Variants in MAP4 observed in about 807,000 individuals in gnomAD.
The protein encoded by MAP4 is microtubule-associated protein 4.
MAP4 carries 76 observed loss-of-function variants against 170.2 expected under a neutral mutation model. The ratio of observed to expected loss-of-function variants is 0.45; its 90% confidence interval spans 0.37 to 0.54. The LOEUF (loss-of-function observed/expected upper bound fraction) is 0.54. Ranked by LOEUF, MAP4 falls within the 20% of genes least tolerant of loss-of-function variation. MAP4 has a pLI of 0.00. For synonymous variants in MAP4, 909 were observed against 994.5 expected (o/e 0.91, Z 1.62); for missense variants, 2,506 against 2,748.0 (o/e 0.91, Z 1.97).
intron 3 of MAP4, among the ~76,000 whole-genome samples, chr3:47,977,652 T>G (rs949748471): frequency 6.6e-6 from 1 of 152,228 alleles, no homozygotes; most frequent in Non-Finnish European, 1.5e-5. Flanking sequence ...CCAATAAATA[T>G]TCAAAAAATA....
intron 1 of MAP4, among the ~76,000 whole-genome samples, chr3:48,012,999 T>C (rs1255918834): frequency 6.6e-6 from 1 of 152,060 alleles, no homozygotes; most frequent in Admixed American, 6.5e-5. Flanking sequence ...ATCCCCAGTT[T>C]TCAATAAATT....
At chr3:48,082,077 A>C (rs1038254420) in intron 1 of MAP4, among the ~76,000 whole-genome samples, 3 of 152,242 alleles carry the variant, frequency 2.0e-5, no homozygotes, top group Non-Finnish European at 2.9e-5. Context: ...CAAAGAAAAA[A>C]ATATTCATGG....
intron 1 of MAP4, among the ~76,000 whole-genome samples, chr3:48,006,517 A>G (rs879825523): frequency 2.0e-5 from 3 of 152,196 alleles, no homozygotes; most frequent in Admixed American, 6.5e-5. Flanking sequence ...GCCAGAATGC[A>G]TAATTGGCAT....
chr3:48,015,240 C>G (rs1375327974), intron 1 of MAP4, among the ~76,000 whole-genome samples: 3 of 110,726 alleles, frequency 2.7e-5, no homozygotes, highest in African/African-American at 1.1e-4. Flanking sequence ...ATAATGCTCA[C>G]TTATATTTTC....
chr3:47,877,570 A>T (rs780484245), intron 10 of MAP4, 47 bp from the exon 11 acceptor site: 50 of 1,308,158 alleles, frequency 3.8e-5, no homozygotes, highest in Non-Finnish European at 5.3e-5. Context: ...AACATTTTAC[A>T]TGCCCATTTT....
At chr3:47,998,901 T>A (rs2100097728) in intron 1 of MAP4, 22 bp from the exon 2 acceptor site, 2 of 1,387,168 alleles carry the variant, frequency 1.4e-6, no homozygotes, top group Middle Eastern at 1.8e-4. Flanking sequence ...GAAAAAGATC[T>A]TTCATGTAAC....
chr3:48,054,801 C>T (rs2100129833), intron 1 of MAP4, among the ~76,000 whole-genome samples: 1 of 151,272 alleles, frequency 6.6e-6, no homozygotes, highest in South Asian at 2.1e-4. Flanking sequence ...AAGCAAGACT[C>T]TGTCTCCAAA....
rs139424559 is a variant in MAP4, at chr3:48,079,597, G to C, written c.-20+9176C>G. 5.7e-3 allele frequency among the ~76,000 whole-genome samples: 861 copies of C among 150,890 alleles called. 5 individuals carry two copies. Among genetic ancestry groups the C allele is most frequent in the African/African-American group, 0.02 (826 of 41,012 alleles). ...CTGAACCCAGGAGGCAGAGGTTGCA[G>C]TGAGCCGAGATCACACCACTGCATT... On this transcript the variant is annotated intron_variant, in intron 1 of 18. Transcript: ENST00000360240.
At chr3:48,050,305 G>C (rs1026752450) in intron 1 of MAP4, among the ~76,000 whole-genome samples, 2 of 149,656 alleles carry the variant, frequency 1.3e-5, no homozygotes, top group Non-Finnish European at 3.0e-5. Context: ...TAACGGAGTA[G>C]AAGAAAATAT....
At chr3:47,883,876 T>C (rs1306702739) in intron 10 of MAP4, among the ~76,000 whole-genome samples, 2 of 152,118 alleles carry the variant, frequency 1.3e-5, no homozygotes, top group Non-Finnish European at 2.9e-5. Context: ...AAAAAAAAAA[T>C]TGCTGTTTCC....
chr3:47,963,477 G>A (rs961020193), intron 3 of MAP4, among the ~76,000 whole-genome samples: 3 of 152,186 alleles, frequency 2.0e-5, no homozygotes, highest in African/African-American at 7.2e-5. Flanking sequence ...AAGCTAGTAG[G>A]TGCTCTATCC....
At chr3:47,856,439 G>A (rs761709356) in intron 18 of MAP4, among the ~76,000 whole-genome samples, 3 of 152,098 alleles carry the variant, frequency 2.0e-5, no homozygotes, top group Non-Finnish European at 2.9e-5. Flanking sequence ...GCTCTTCGCT[G>A]AGAGGGAAAG....
rs1469747099 is a variant in MAP4, at chr3:47,911,039, C to T, written c.3382G>A (p.Gly1128Ser). 6.5e-7 allele frequency: 1 copy of T among 1,536,158 alleles called. No homozygotes were observed. The highest frequency in any genetic ancestry group is 1.4e-5 in the African/African-American group (1 of 73,168). The stretch of plus-strand genomic sequence containing the variant: ...GCCTCCGTGAGATCAGCCTTAGTGC[C>T]TGGTTGCTTTGAAGAATTCAGCCCC... ...ELGLNSSKQPGTKADLTEAVV... is the reference protein window; with the variant it reads ...ELGLNSSKQPSTKADLTEAVV... The change falls in exon 9 of 21, where the codon GGC (glycine) becomes AGC (serine). Residue 1128 changes from glycine (G) to serine (S), a missense_variant. Physicochemically the swap from Gly to Ser is moderately conservative, Grantham distance 56. Transcript: ENST00000683076. This position sits in a 1 kb window ranked among gnomAD's most constrained non-coding sequence, Gnocchi z 4.0.
chr3:48,059,344 G>T (rs1358058896), intron 1 of MAP4, among the ~76,000 whole-genome samples: 4 of 148,964 alleles, frequency 2.7e-5, no homozygotes, highest in African/African-American at 9.9e-5. Context: ...GTGAAACCCC[G>T]TTTCTACTAA....
chr3:47,877,614 A>C (rs932074350), intron 10 of MAP4, 91 bp from the exon 11 acceptor site: 26 of 769,176 alleles, frequency 3.4e-5, no homozygotes, highest in Admixed American at 2.4e-4. Context: ...CAGACCACTA[A>C]CTAGCACTTC....
Position 47,911,205 on chromosome 3 carries a change from T to A in MAP4, c.3216A>T (p.Arg1072Ser). 6.5e-7 allele frequency: 1 copy of A among 1,536,096 alleles called. No individual in the cohort carries two copies. Among genetic ancestry groups the A allele is most frequent in the Non-Finnish European group, 8.7e-7 (1 of 1,146,914 alleles). Residue 1072 changes from arginine (R) to serine (S), a missense_variant, in exon 9 of 21, where the codon AGA (arginine) becomes AGT (serine). By Grantham distance (110) the Arg-to-Ser change is moderately radical (BLOSUM62 -1). Around this residue, in one of 3 missense-constraint regions of MAP4, gnomAD observed 2,008 missense variants for 2,206.0 expected, o/e 0.91. Coordinates refer to ENST00000683076, the MANE Select transcript of MAP4 (RefSeq NM_001385682.1). The surrounding 1 kb of genome is among the most constrained non-coding windows in gnomAD (Gnocchi z 4.0). ...RKGRGSSGKMRTDSGKVKAKS... is the reference protein window; with the variant it reads ...RKGRGSSGKMSTDSGKVKAKS... ...TTGCTTTTACCTTCCCAGAATCTGT[T>A]CTCATTTTCCCAGAACTTCCCCTTC...
intron 1 of MAP4, among the ~76,000 whole-genome samples, chr3:48,075,974 C>CAAAAAAA (rs60556044): frequency 4.2e-5 from 2 of 47,556 alleles, no homozygotes; most frequent in Admixed American, 2.3e-4. Context: ...AACTCCATCT[C>CAAAAAAA]AAAAAAAAAA....
chr3:48,087,743 G>GCACACACA (rs1211603666), intron 1 of MAP4, among the ~76,000 whole-genome samples: 10 of 67,948 alleles, frequency 1.5e-4, no homozygotes, highest in African/African-American at 4.2e-4. Flanking sequence ...ACACACGCAC[G>GCACACACA]CGCACACACA....
At chr3:47,930,431 G>C (rs376593792) in intron 3 of MAP4, among the ~76,000 whole-genome samples, 2 of 143,954 alleles carry the variant, frequency 1.4e-5, no homozygotes, top group Non-Finnish European at 3.0e-5. Flanking sequence ...CGGCCTGGGC[G>C]ACAGAGCGAG....
Sources: gnomAD v4.1 joint callset for allele counts (sites outside exome capture counted in the v4.1 genomes callset) on GRCh38, gnomAD v4.1.1 for gene constraint, gnomAD v4.1.1 regional missense constraint, Gnocchi (gnomAD v3.1) non-coding constraint, MANE v1.5 for transcripts, NCBI Gene and HGNC (gene_info 2026-07-23, HGNC 2026-07-21) for gene names.